CREB5: variants seen among roughly 807,000 people sequenced by gnomAD.
The protein encoded by CREB5 is cAMP responsive element binding protein 5, also known as cyclic AMP-responsive element-binding protein 5.
Under a neutral mutation model 57.1 loss-of-function variants are expected in CREB5, and 19 were observed. The ratio of observed to expected loss-of-function variants is 0.33; its 90% CI spans 0.23 to 0.49. The LOEUF (loss-of-function observed/expected upper bound fraction) is 0.49, where lower values mean the gene tolerates loss of function less well. Among genes scored for constraint, CREB5 ranks in the 20% least tolerant of loss-of-function variants. The pLI is 0.99. For missense variants in CREB5, 579 were observed against 671.6 expected (o/e 0.86, Z 1.52); for synonymous variants, 238 against 238.3 (o/e 1.00, Z 0.01).
intron 7 of CREB5, among the ~76,000 whole-genome samples, chr7:28,750,188 A>G (rs1418160968): frequency 2.0e-5 from 3 of 152,116 alleles, no homozygotes; most frequent in Non-Finnish European, 4.4e-5. Flanking sequence ...AATACCTATG[A>G]GCCCAGCCCC....
intron 5 of CREB5, among the ~76,000 whole-genome samples, chr7:28,649,022 A>T (rs1008292289): frequency 1.3e-5 from 2 of 152,206 alleles, no homozygotes; most frequent in Non-Finnish European, 2.9e-5. Flanking sequence ...CCCACCAGAG[A>T]GGAAGGGACT....
chr7:28,445,572 G>A (rs891076196), intron 1 of CREB5, among the ~76,000 whole-genome samples: 5 of 151,182 alleles, frequency 3.3e-5, no homozygotes, highest in African/African-American at 1.2e-4. Flanking sequence ...TTTTATTTGA[G>A]ACGGAATCTC....
intron 2 of CREB5, 131 bp from the exon 3 acceptor site, chr7:28,494,773 ATG>A: frequency 6.5e-6 from 4 of 617,044 alleles, no homozygotes; most frequent in African/African-American, 3.8e-5. Flanking sequence ...CTTTTTCGAA[ATG>A]TTTTTTTTTT....
At chr7:28,815,508 C>T (rs180979820) in intron 9 of CREB5, among the ~76,000 whole-genome samples, 24 of 152,236 alleles carry the variant, frequency 1.6e-4, no homozygotes, top group Admixed American at 1.4e-3. Flanking sequence ...GGCCAGGGCA[C>T]CACATGTGCT....
intron 7 of CREB5, among the ~76,000 whole-genome samples, chr7:28,788,876 A>T (rs1426725511): frequency 6.6e-6 from 1 of 151,682 alleles, no homozygotes; most frequent in Non-Finnish European, 1.5e-5. Context: ...GAGCCTCAGT[A>T]CATCACAGCC....
intron 7 of CREB5, among the ~76,000 whole-genome samples, chr7:28,758,802 G>A (rs931505663): frequency 6.6e-6 from 1 of 152,198 alleles, no homozygotes; most frequent in Non-Finnish European, 1.5e-5. Flanking sequence ...AGTCCTCTAG[G>A]AGAAATTGTC....
Position 28,570,455 on chromosome 7 carries a change from A to G in CREB5, c.382A>G (p.Asn128Asp), listed in dbSNP as rs755436114. The G allele has an allele frequency of 4.3e-6, 7 of 1,614,034 alleles. No homozygotes were observed. The highest frequency in any genetic ancestry group is 2.7e-5 in the African/African-American group (2 of 74,908). ...SSARLPNHDT[N>D]VVIQQAMPSP... Reference sequence around the variant, plus strand: ...CGCTCGGCTGCCCAACCATGACACCAACGTTGTGATTCAGCAAGCCATGCC... The same window carrying G: ...CGCTCGGCTGCCCAACCATGACACCGACGTTGTGATTCAGCAAGCCATGCC... Residue 128 changes from asparagine (N) to aspartate (D), a missense_variant, in exon 5 of 11, where the codon AAC (asparagine) becomes GAC (aspartate). This residue lies in a region of CREB5 where 459 missense variants were observed against 515.7 expected (regional missense o/e 0.89). Transcript: ENST00000357727.
At chr7:28,307,845 A>G (rs1015127521) in intron 1 of CREB5, among the ~76,000 whole-genome samples, 1 of 152,242 alleles carries the variant, frequency 6.6e-6, no homozygotes, top group African/African-American at 2.4e-5. Context: ...TCTAATTCCA[A>G]GGCTTTGAAT....
intron 6 of CREB5, 86 bp from the exon 7 acceptor site, chr7:28,724,136 G>A (rs1047519862): frequency 1.3e-5 from 15 of 1,132,152 alleles, no homozygotes; most frequent in Non-Finnish European, 1.6e-5. Context: ...AATACTAAAC[G>A]ATCCATTGGA....
chr7:28,308,995 A>G (rs910120854), intron 1 of CREB5, among the ~76,000 whole-genome samples: 23 of 152,148 alleles, frequency 1.5e-4, no homozygotes, highest in Admixed American at 3.9e-4. Flanking sequence ...GAGTAGAACA[A>G]AAAGACCAAC....
chr7:28,786,816 C>T (rs963634527), intron 7 of CREB5, among the ~76,000 whole-genome samples: 4 of 152,174 alleles, frequency 2.6e-5, no homozygotes, highest in Non-Finnish European at 4.4e-5. Flanking sequence ...GTGGAGTCTG[C>T]GCCTCTTCTC....
chr7:28,395,938 G>A (rs952393399), intron 1 of CREB5, among the ~76,000 whole-genome samples: 3 of 152,006 alleles, frequency 2.0e-5, no homozygotes, highest in African/African-American at 4.8e-5. Flanking sequence ...ACAATTCAAC[G>A]CCAACTGCAG....
At chr7:28,645,647 T>C (rs1376593217) in intron 5 of CREB5, among the ~76,000 whole-genome samples, 1 of 152,238 alleles carries the variant, frequency 6.6e-6, no homozygotes, top group Non-Finnish European at 1.5e-5. Flanking sequence ...GATCAGTGTT[T>C]CTATGATGCT....
At chr7:28,482,317 T>G (rs1791368575) in intron 1 of CREB5, among the ~76,000 whole-genome samples, 1 of 152,240 alleles carries the variant, frequency 6.6e-6, no homozygotes, top group South Asian at 2.1e-4. Context: ...AGTGTGTTTT[T>G]GGTGAATGTG....
Position 28,400,554 on chromosome 7 carries a change from G to C in CREB5, c.-24-94352G>C, listed in dbSNP as rs1403014101. Among the ~76,000 whole-genome samples, 3 of 152,298 alleles carry C rather than the reference G, an allele frequency of 2.0e-5. No homozygotes were observed. In the East Asian group the frequency reaches 5.8e-4, roughly 29 times the overall value. ...TAAGGGCATTGTTATGAAAGCTATA[G>C]GCAGAATATTTTAAAACCAGGAAGG... On this transcript the variant is annotated intron_variant, in intron 1 of 9. Coordinates refer to the CREB5 transcript ENST00000396299.
At chr7:28,723,965 T>A (rs1050841090) in intron 6 of CREB5, among the ~76,000 whole-genome samples, 3 of 152,160 alleles carry the variant, frequency 2.0e-5, no homozygotes, top group Non-Finnish European at 4.4e-5. Context: ...GTAATTTTAT[T>A]TGAAAGTGAT....
At chr7:28,694,911 C>T (rs908624224) in intron 5 of CREB5, among the ~76,000 whole-genome samples, 5 of 152,250 alleles carry the variant, frequency 3.3e-5, no homozygotes, top group Admixed American at 2.0e-4. Context: ...CAACCCAACC[C>T]GTTCACCTTA....
chr7:28,672,862 T>A (rs1800117196), intron 5 of CREB5, among the ~76,000 whole-genome samples: 1 of 152,226 alleles, frequency 6.6e-6, no homozygotes, highest in Non-Finnish European at 1.5e-5. Context: ...GCTCCAACAC[T>A]GTGTGAGATT....
At chr7:28,476,708 AAAAC>A (rs1419053631) in intron 1 of CREB5, among the ~76,000 whole-genome samples, 1 of 152,256 alleles carries the variant, frequency 6.6e-6, no homozygotes, top group East Asian at 1.9e-4. Context: ...CTAAATTTAA[AAAAC>A]AAACAAAATC....
Sources: gnomAD v4.1 joint callset for allele counts (sites outside exome capture counted in the v4.1 genomes callset) on GRCh38, gnomAD v4.1.1 for gene constraint, gnomAD v4.1.1 regional missense constraint, MANE v1.5 for transcripts, NCBI Gene and HGNC (gene_info 2026-07-23, HGNC 2026-07-21) for gene names.